RALYL: variants seen among roughly 807,000 people sequenced by gnomAD.
The protein encoded by RALYL is RALY RNA binding protein like.
Under a neutral mutation model 35.1 loss-of-function variants are expected in RALYL, and 29 were observed. That is an observed-to-expected ratio of 0.83 (90% confidence interval 0.61 to 1.13). RALYL has a LOEUF of 1.13. Ranked by LOEUF, RALYL falls within the 50% of genes most tolerant of loss-of-function variation. RALYL has a pLI of 0.00. For synonymous variants in RALYL, 120 were observed against 127.6 expected (o/e 0.94, Z 0.40); for missense variants, 359 against 360.4 (o/e 1.00, Z 0.03).
intron 1 of RALYL, among the ~76,000 whole-genome samples, chr8:84,347,924 C>T (rs1445961424): frequency 1.3e-5 from 2 of 152,022 alleles, no homozygotes; most frequent in Non-Finnish European, 2.9e-5. Flanking sequence ...AGAGAGCTCT[C>T]CCCAGTAGTA....
intron 1 of RALYL, among the ~76,000 whole-genome samples, chr8:84,444,519 A>G (rs768475506): frequency 3.0e-4 from 46 of 152,070 alleles, no homozygotes; most frequent in Non-Finnish European, 5.3e-4. Context: ...TTTCAGCAGG[A>G]AAGAGAAATG....
At chr8:84,901,836 A>G (rs900820681) in intron 8 of RALYL, among the ~76,000 whole-genome samples, 1 of 152,164 alleles carries the variant, frequency 6.6e-6, no homozygotes, top group Admixed American at 6.6e-5. Context: ...CAATGGAGAC[A>G]AAATAGTTCA....
chr8:84,357,485 G>GT (rs1852080000), intron 1 of RALYL, among the ~76,000 whole-genome samples: 1 of 151,910 alleles, frequency 6.6e-6, no homozygotes, highest in Non-Finnish European at 1.5e-5. Context: ...AACACTAATT[G>GT]TAAGGTTAAA....
At chr8:84,338,211 G>A (rs1040312497) in intron 1 of RALYL, among the ~76,000 whole-genome samples, 10 of 151,796 alleles carry the variant, frequency 6.6e-5, no homozygotes, top group Admixed American at 2.6e-4. Flanking sequence ...GGAATTTGAT[G>A]TACTATTCTC....
intron 1 of RALYL, among the ~76,000 whole-genome samples, chr8:84,480,377 C>T (rs2133872043): frequency 6.6e-6 from 1 of 152,204 alleles, no homozygotes; most frequent in South Asian, 2.1e-4. Context: ...AATGATCTTA[C>T]CTCAATGAGA....
intron 2 of RALYL, among the ~76,000 whole-genome samples, chr8:84,735,253 T>G (rs1355454274): frequency 6.6e-6 from 1 of 151,880 alleles, no homozygotes; most frequent in Non-Finnish European, 1.5e-5. Context: ...TCATGCTGTA[T>G]CCACAGGACC....
At chr8:84,838,910 T>A (rs943176484) in intron 4 of RALYL, among the ~76,000 whole-genome samples, 11 of 152,228 alleles carry the variant, frequency 7.2e-5, no homozygotes, top group African/African-American at 2.4e-4. Context: ...CTTCTTGCAA[T>A]TAAACTCTGC....
intron 2 of RALYL, among the ~76,000 whole-genome samples, chr8:84,537,917 T>G (rs2059732523): frequency 6.6e-6 from 1 of 152,228 alleles, no homozygotes; most frequent in Non-Finnish European, 1.5e-5. Flanking sequence ...AAGGTTTGTA[T>G]GTATGTATGT....
intron 1 of RALYL, among the ~76,000 whole-genome samples, chr8:84,233,149 A>ATT (rs1259970598): frequency 4.7e-5 from 7 of 148,186 alleles, no homozygotes; most frequent in Non-Finnish European, 1.1e-4. Context: ...CACCCAAATA[A>ATT]TTTTTATTGT....
intron 1 of RALYL, among the ~76,000 whole-genome samples, chr8:84,194,348 T>A (rs1255579304): frequency 6.7e-6 from 1 of 150,234 alleles, no homozygotes; most frequent in African/African-American, 2.5e-5. Context: ...CAAAACAGAT[T>A]TTTTTTTTTC....
intron 2 of RALYL, among the ~76,000 whole-genome samples, chr8:84,683,529 TATTGGGTGCATATAAG>T (rs1229660258): frequency 2.6e-5 from 4 of 152,168 alleles, no homozygotes; most frequent in Non-Finnish European, 4.4e-5. Flanking sequence ...GGTGCTCCTG[TATTGGGTGCATATAAG>T]ATTCATACTT....
At chr8:84,480,553 G>A (rs1334087439) in intron 1 of RALYL, among the ~76,000 whole-genome samples, 1 of 152,148 alleles carries the variant, frequency 6.6e-6, no homozygotes, top group Admixed American at 6.5e-5. Context: ...TGCTTTTTGG[G>A]AGAAAACACA....
intron 1 of RALYL, among the ~76,000 whole-genome samples, chr8:84,477,270 G>T (rs1335904310): frequency 6.6e-6 from 1 of 151,846 alleles, no homozygotes; most frequent in Non-Finnish European, 1.5e-5. Context: ...AACTAAATTG[G>T]ATCGGGAGTT....
intron 4 of RALYL, among the ~76,000 whole-genome samples, chr8:84,805,232 A>G (rs1258581936): frequency 6.6e-6 from 1 of 152,108 alleles, no homozygotes; most frequent in Admixed American, 6.6e-5. Context: ...ATCAATATCT[A>G]TCTTTTCTCC....
At chr8:84,870,462 T>C (rs1177048195) in intron 6 of RALYL, among the ~76,000 whole-genome samples, 1 of 151,900 alleles carries the variant, frequency 6.6e-6, no homozygotes, top group Non-Finnish European at 1.5e-5. Flanking sequence ...TTTACCATGT[T>C]TGTGTATAAT....
chr8:84,734,741 G>A (rs1440577475), intron 2 of RALYL, among the ~76,000 whole-genome samples: 1 of 151,928 alleles, frequency 6.6e-6, no homozygotes, highest in Non-Finnish European at 1.5e-5. Flanking sequence ...AATCTATGAG[G>A]TATACATTAG....
intron 2 of RALYL, among the ~76,000 whole-genome samples, chr8:84,720,951 A>G (rs1843783429): frequency 6.6e-6 from 1 of 152,146 alleles, no homozygotes; most frequent in Non-Finnish European, 1.5e-5. Context: ...TATCTCACCC[A>G]GTTAAAATGG....
intron 1 of RALYL, among the ~76,000 whole-genome samples, chr8:84,443,912 G>A (rs1450699333): frequency 6.6e-6 from 1 of 152,142 alleles, no homozygotes; most frequent in Admixed American, 6.6e-5. Flanking sequence ...AACAGGGCAA[G>A]TAATGATGAA....
intron 2 of RALYL, among the ~76,000 whole-genome samples, chr8:84,736,691 T>A (rs1254184435): frequency 6.6e-6 from 1 of 152,082 alleles, no homozygotes; most frequent in Non-Finnish European, 1.5e-5. Flanking sequence ...TTACATTTGA[T>A]TGATTATTCT....
Sources: gnomAD v4.1 joint callset for allele counts (sites outside exome capture counted in the v4.1 genomes callset) on GRCh38, gnomAD v4.1.1 for gene constraint, MANE v1.5 for transcripts, NCBI Gene and HGNC (gene_info 2026-07-23, HGNC 2026-07-21) for gene names.